Variants in ATP8A2 observed in about 807,000 individuals in gnomAD.
The protein encoded by ATP8A2 is ATPase phospholipid transporting 8A2.
Under a neutral mutation model 165.6 loss-of-function variants are expected in ATP8A2, and 100 were observed. That is an observed-to-expected ratio of 0.60 (90% confidence interval 0.51 to 0.71). ATP8A2 has a LOEUF of 0.71. Ranked by LOEUF, ATP8A2 falls within the 30% of genes least tolerant of loss-of-function variation. The pLI is 0.00. For synonymous variants in ATP8A2, 543 were observed against 548.8 expected, an observed-to-expected ratio of 0.99 and a Z score of 0.15; for missense variants, 1,227 against 1,479.5, an observed-to-expected ratio of 0.83 and a Z score of 2.80.
chr13:25,399,113 A>G (rs1179764699), intron 1 of ATP8A2, among the ~76,000 whole-genome samples: 3 of 152,152 alleles, frequency 2.0e-5, no homozygotes, highest in East Asian at 3.9e-4. Flanking sequence ...GCATGTGTAA[A>G]TAACCAGCTC....
At chr13:26,017,677 A>G (rs1237330447) in intron 36 of ATP8A2, among the ~76,000 whole-genome samples, 3 of 152,220 alleles carry the variant, frequency 2.0e-5, no homozygotes, top group African/African-American at 7.2e-5. Flanking sequence ...GCTTGAAAGC[A>G]GATCATGTGA....
At chr13:25,947,619 T>C (rs7994094) in intron 33 of ATP8A2, among the ~76,000 whole-genome samples, 8,008 of 152,232 alleles carry the variant, frequency 0.053, 662 homozygotes, top group African/African-American at 0.18. Context: ...ACATGTGGCC[T>C]GGGCAGTTTC....
chr13:25,588,130 CAT>C (rs2039973978), intron 23 of ATP8A2, among the ~76,000 whole-genome samples: 1 of 152,088 alleles, frequency 6.6e-6, no homozygotes. Flanking sequence ...ATGTCTTTTT[CAT>C]ATTGCCTTAA....
Position 26,025,606 on chromosome 13 carries a change from G to A in ATP8A2, c.*5621G>A, listed in dbSNP as rs1251012489. 6.6e-6 allele frequency: 1 copy of A among 152,228 alleles called. No homozygotes were observed. Among genetic ancestry groups the A allele is most frequent in the Non-Finnish European group, 1.5e-5 (1 of 68,066 alleles). 9.4% of individuals were successfully genotyped at this position (152,228 alleles called of 1,614,324 possible). On this transcript the variant is annotated 3_prime_UTR_variant, in exon 37 of 37. Transcript: ENST00000381655. ...GTGGGGGGTGCTTCTATGGTGTGTG[G>A]GGTTTTTTGTTGCCTCCCTCTAGAA...
chr13:25,404,148 G>A (rs2033724984), intron 1 of ATP8A2, among the ~76,000 whole-genome samples: 1 of 152,174 alleles, frequency 6.6e-6, no homozygotes. Context: ...AAGCACACAG[G>A]AAAATCACTG....
rs1450852336 is a variant in ATP8A2 at position 25,372,384 on chromosome 13, C to G, written c.76+96C>G. On this transcript the variant is annotated intron_variant, in intron 1 of 36. Transcript: ENST00000381655. The surrounding 1 kb of genome is among the most constrained non-coding windows in gnomAD (Gnocchi z 4.8). Reference sequence around the variant, plus strand: ...ATGCGACACTGCCCCGCCCGCGCCCCGCTCCCCTCCCTGGGCTCCCTGGGC... The same window carrying G: ...ATGCGACACTGCCCCGCCCGCGCCCGGCTCCCCTCCCTGGGCTCCCTGGGC... 1.1e-6 allele frequency: 1 copy of G among 915,218 alleles called. No homozygotes were observed. Among genetic ancestry groups the G allele is most frequent in the Non-Finnish European group, 1.5e-6 (1 of 680,986 alleles). The allele number at this position is 915,218 out of a possible 1,614,324, so 56.7% of individuals were successfully genotyped here.
At chr13:25,779,588 T>C (rs573522003) in intron 27 of ATP8A2, among the ~76,000 whole-genome samples, 22 of 152,266 alleles carry the variant, frequency 1.4e-4, no homozygotes, top group African/African-American at 5.1e-4. Flanking sequence ...TTTTCTTCTC[T>C]TTTTGCAATA....
At chr13:25,633,486 T>C (rs1174527323) in intron 24 of ATP8A2, among the ~76,000 whole-genome samples, 1 of 152,198 alleles carries the variant, frequency 6.6e-6, no homozygotes, top group Non-Finnish European at 1.5e-5. Context: ...CACCTCTTTG[T>C]CTTTTTAGAA....
intron 33 of ATP8A2, among the ~76,000 whole-genome samples, chr13:25,950,174 G>T (rs964282670): frequency 6.6e-6 from 1 of 152,116 alleles, no homozygotes; most frequent in Non-Finnish European, 1.5e-5. Flanking sequence ...TAAAAGTCGC[G>T]TATCTCAGGG....
chr13:25,850,243 A>T (rs958111936), intron 30 of ATP8A2, among the ~76,000 whole-genome samples: 4 of 152,334 alleles, frequency 2.6e-5, no homozygotes, highest in Admixed American at 2.0e-4. Context: ...GGTGTCTGCG[A>T]GGAAGAGCTT....
At chr13:25,467,806 C>T (rs1454349248) in intron 1 of ATP8A2, among the ~76,000 whole-genome samples, 1 of 152,188 alleles carries the variant, frequency 6.6e-6, no homozygotes, top group Non-Finnish European at 1.5e-5. Flanking sequence ...CCGCTTCGGC[C>T]TCCCAAAGTG....
At chr13:25,773,200 TACTG>T (rs2044664076) in intron 26 of ATP8A2, among the ~76,000 whole-genome samples, 1 of 152,210 alleles carries the variant, frequency 6.6e-6, no homozygotes, top group African/African-American at 2.4e-5. Flanking sequence ...CTTGTGGACT[TACTG>T]ACACTCTGAC....
chr13:25,614,157 T>C lies in ATP8A2; in HGVS notation c.2211+24458T>C, dbSNP rs534554168. Among the ~76,000 whole-genome samples the C allele has an allele frequency of 1.4e-4, 21 of 152,310 alleles. No individual in the cohort carries two copies. In the East Asian group the frequency reaches 4.0e-3, roughly 29 times the overall value. On this transcript the variant is annotated intron_variant, in intron 24 of 36. Coordinates refer to ENST00000381655, the MANE Select transcript of ATP8A2 (RefSeq NM_016529.6). ...TTTCAGATTTTTCTTCTTCTTTGGG[T>C]ACACCGATTATTCTTAGGTTTGGTC... is the stretch of plus-strand genomic sequence containing the variant.
intron 1 of ATP8A2, among the ~76,000 whole-genome samples, chr13:25,401,960 G>C (rs148390615): frequency 6.6e-6 from 1 of 151,814 alleles, no homozygotes; most frequent in Non-Finnish European, 1.5e-5. Flanking sequence ...GGGCCCAAAC[G>C]ATCCTCCCTC....
At chr13:25,896,111 T>G (rs576553612) in intron 33 of ATP8A2, among the ~76,000 whole-genome samples, 73 of 152,364 alleles carry the variant, frequency 4.8e-4, no homozygotes, top group Non-Finnish European at 9.3e-4. Flanking sequence ...TCTAGTTCTT[T>G]TAATTGTAAT....
At chr13:25,983,117 C>T (rs558747703) in intron 35 of ATP8A2, among the ~76,000 whole-genome samples, 1 of 152,298 alleles carries the variant, frequency 6.6e-6, no homozygotes, top group East Asian at 1.9e-4. Context: ...CTTATGACAT[C>T]ATTAGCAATG....
intron 25 of ATP8A2, among the ~76,000 whole-genome samples, chr13:25,721,124 T>TATC (rs1344596872): frequency 6.6e-6 from 1 of 151,464 alleles, no homozygotes. Flanking sequence ...AATGGCTCAT[T>TATC]ATTATTATTA....
At chr13:25,973,757 T>C (rs1036449077) in intron 35 of ATP8A2, among the ~76,000 whole-genome samples, 1 of 152,212 alleles carries the variant, frequency 6.6e-6, no homozygotes, top group Non-Finnish European at 1.5e-5. Context: ...AGCATGTCGC[T>C]GAGCCAGCCT....
chr13:25,384,005 G>C (rs1465938962), intron 1 of ATP8A2, among the ~76,000 whole-genome samples: 1 of 152,160 alleles, frequency 6.6e-6, no homozygotes, highest in East Asian at 1.9e-4. Context: ...ATCTTTTAGG[G>C]AGCATCTGTG....
Sources: gnomAD v4.1 joint callset for allele counts (sites outside exome capture counted in the v4.1 genomes callset) on GRCh38, gnomAD v4.1.1 for gene constraint, Gnocchi (gnomAD v3.1) non-coding constraint, MANE v1.5 for transcripts, NCBI Gene and HGNC (gene_info 2026-07-23, HGNC 2026-07-21) for gene names.